Variants in GABRA6 observed in about 807,000 individuals in gnomAD.
The protein encoded by GABRA6 is gamma-aminobutyric acid receptor subunit alpha-6.
A neutral mutation model predicts 47.3 loss-of-function variants in GABRA6; 45 were observed. The observed-to-expected ratio is 0.95, with a 90% CI of 0.75 to 1.22. GABRA6 has a LOEUF of 1.22. Among genes scored for constraint, GABRA6 ranks in the 50% most tolerant of loss-of-function variants. The probability of loss-of-function intolerance (pLI) is 0.00; values close to 1 mark genes in which losing one functional copy is unlikely to be tolerated. For missense variants in GABRA6, 583 were observed against 549.3 expected (o/e 1.06, Z -0.61); for synonymous variants, 219 against 194.7 (o/e 1.12, Z -1.04).
At chr5:161,690,082 A>G (rs1754766109) in intron 6 of GABRA6, 119 bp from the exon 7 acceptor site, 16 of 940,676 alleles carry the variant, frequency 1.7e-5, no homozygotes, top group South Asian at 1.6e-4. Flanking sequence ...ACTGAAATGT[A>G]CCTTTGCTTG....
chr5:161,688,813 A>G, intron 3 of GABRA6, 136 bp from the exon 4 acceptor site: 1 of 742,074 alleles, frequency 1.3e-6, no homozygotes, highest in South Asian at 1.6e-5. Context: ...AGCTAAAATT[A>G]TAGCTTTGTG....
At chr5:161,700,121 G>A (rs1410169806) in intron 8 of GABRA6, among the ~76,000 whole-genome samples, 1 of 152,228 alleles carries the variant, frequency 6.6e-6, no homozygotes, top group Non-Finnish European at 1.5e-5. Flanking sequence ...TAGAAAAGAA[G>A]TTTTGGGAGT....
intron 8 of GABRA6, among the ~76,000 whole-genome samples, chr5:161,695,150 C>T (rs1754866222): frequency 6.6e-6 from 1 of 152,162 alleles, no homozygotes; most frequent in Non-Finnish European, 1.5e-5. Context: ...CATTGCTTTT[C>T]ACAAGAAACT....
chr5:161,689,880 C>G, intron 6 of GABRA6, 101 bp downstream of exon 6: 1 of 1,280,912 alleles, frequency 7.8e-7, no homozygotes, highest in Non-Finnish European at 1.1e-6. Context: ...CCATTCTCAG[C>G]TAAGCATGCT....
intron 8 of GABRA6, among the ~76,000 whole-genome samples, chr5:161,698,291 C>T (rs574643117): frequency 3.9e-4 from 60 of 152,102 alleles, no homozygotes; most frequent in African/African-American, 1.4e-3. Context: ...AGAATATCTA[C>T]AAGAGTCATA....
chr5:161,688,936 T>G lies in GABRA6; in HGVS notation c.226-13T>G. 1 of 1,604,422 alleles carries G rather than the reference T, an allele frequency of 6.2e-7. No individual in the cohort carries two copies. The highest frequency in any genetic ancestry group is 1.1e-5 in the South Asian group (1 of 90,880). ...ATCTTTCCAGCCCACACAAATATTT[T>G]ATTTTCTCTTAGGAGTATACGATGG... On this transcript the variant is annotated splice_polypyrimidine_tract_variant and intron_variant, in intron 3 of 8. Transcript: ENST00000274545.
Position 161,701,972 on chromosome 5 carries a change from G to GA in GABRA6, c.*204dup. The GA allele has an allele frequency of 1.7e-6, 1 of 599,274 alleles. No homozygotes were observed. Among genetic ancestry groups the GA allele is most frequent in the Non-Finnish European group, 2.9e-6 (1 of 343,280 alleles). 37.1% of individuals were successfully genotyped at this position (599,274 alleles called of 1,614,324 possible). A position where few individuals can be genotyped will look rare whatever the true frequency, so the allele number is the denominator to read the frequency against. ...TCAAAATAGAAAGTTGAAGATTGCT[G>GA]AAAAATATGACTTTTCTGTATGTTA... On this transcript the variant is annotated 3_prime_UTR_variant, in exon 9 of 9. Coordinates refer to ENST00000274545, the MANE Select transcript of GABRA6 (RefSeq NM_000811.3).
chr5:161,697,211 G>T (rs1029371267), intron 8 of GABRA6, among the ~76,000 whole-genome samples: 1 of 152,314 alleles, frequency 6.6e-6, no homozygotes, highest in Non-Finnish European at 1.5e-5. Flanking sequence ...AACAGTGACA[G>T]CCCCAAGCTG....
chr5:161,700,103 G>C (rs1430508553), intron 8 of GABRA6, among the ~76,000 whole-genome samples: 1 of 152,202 alleles, frequency 6.6e-6, no homozygotes, highest in Non-Finnish European at 1.5e-5. Flanking sequence ...AAAATCAAGA[G>C]GAGAATATAG....
In GABRA6 at chr5:161,685,776, T is replaced by C. The variant is rs1393920396; in HGVS notation, c.-214T>C. On this transcript the variant is annotated 5_prime_UTR_variant, in exon 1 of 9. Coordinates refer to ENST00000274545, the MANE Select transcript of GABRA6 (RefSeq NM_000811.3). ...TAATCTAAGACCACAAACCACCTTG[T>C]TCCACGTGAGAAGGAAACAAGAAAG... 34 of 615,334 alleles carry C rather than the reference T, an allele frequency of 5.5e-5. 1 individual carries two copies. The South Asian group carries it at 5.8e-4, about 10-fold the overall frequency. 38.1% of individuals were successfully genotyped at this position (615,334 alleles called of 1,614,324 possible).
intron 7 of GABRA6, among the ~76,000 whole-genome samples, chr5:161,690,752 T>C (rs1754775679): frequency 6.6e-6 from 1 of 152,194 alleles, no homozygotes; most frequent in African/African-American, 2.4e-5. Flanking sequence ...TATAAAATTG[T>C]CATTTCGTCA....
In GABRA6 at chr5:161,687,652, A is replaced by G. The variant is rs572496228; in HGVS notation, c.225+649A>G. The stretch of plus-strand genomic sequence containing the variant: ...TTCTCAGGTGGCATTTCTCTCTAAA[A>G]CGGAAGTGTAAATATGAATGCTGAA... On this transcript the variant is annotated intron_variant, in intron 3 of 8. Coordinates refer to ENST00000274545, the MANE Select transcript of GABRA6 (RefSeq NM_000811.3). 712 of 362,412 alleles carry G rather than the reference A, an allele frequency of 2.0e-3. 16 individuals carry two copies. Among genetic ancestry groups the G allele is most frequent in the South Asian group, 0.015 (699 of 47,078 alleles). 22.4% of individuals were successfully genotyped at this position (362,412 alleles called of 1,614,324 possible).
At chr5:161,692,289 G>A (rs1754808191) in intron 8 of GABRA6, 89 bp downstream of exon 8, 1 of 1,496,860 alleles carries the variant, frequency 6.7e-7, no homozygotes, top group Admixed American at 1.7e-5. Context: ...CAAAAGTAAT[G>A]TGAGTTGAGC....
chr5:161,701,868 C>A lies in GABRA6; in HGVS notation c.*95C>A. 7.7e-7 allele frequency: 1 copy of A among 1,303,272 alleles called. No individual in the cohort carries two copies. Among genetic ancestry groups the A allele is most frequent in the Non-Finnish European group, 1.1e-6 (1 of 908,948 alleles). 80.7% of individuals were successfully genotyped at this position (1,303,272 alleles called of 1,614,324 possible). ...CATTGAGACTTGTGTAGATGCTTCT[C>A]AGAACATGAAATCAAATTGGAAATC... On this transcript the variant is annotated 3_prime_UTR_variant, in exon 9 of 9. Coordinates refer to ENST00000274545, the MANE Select transcript of GABRA6 (RefSeq NM_000811.3).
At chr5:161,688,803 A>C in intron 3 of GABRA6, 146 bp from the exon 4 acceptor site, 2 of 710,136 alleles carry the variant, frequency 2.8e-6, no homozygotes, top group South Asian at 1.7e-5. Context: ...AATAATAACT[A>C]GCTAAAATTA....
chr5:161,690,853 G>C (rs1459566432), intron 7 of GABRA6, among the ~76,000 whole-genome samples: 1 of 152,030 alleles, frequency 6.6e-6, no homozygotes, highest in Non-Finnish European at 1.5e-5. Context: ...ATAAGAAAAA[G>C]AGCTTCAACT....
chr5:161,686,691 C>T (rs1390401831), intron 2 of GABRA6, among the ~76,000 whole-genome samples: 1 of 152,276 alleles, frequency 6.6e-6, no homozygotes, highest in Middle Eastern at 3.4e-3. Flanking sequence ...TTATCATTTT[C>T]GTTAGAACGA....
intron 2 of GABRA6, 48 bp from the exon 3 acceptor site, chr5:161,686,888 C>T: frequency 2.0e-6 from 3 of 1,521,330 alleles, no homozygotes; most frequent in Non-Finnish European, 2.7e-6. Context: ...GATCAATCCC[C>T]TTAACATCAG....
chr5:161,686,995 G>C lies in GABRA6; in HGVS notation c.217G>C (p.Val73Leu), dbSNP rs1339796711. The C allele has an allele frequency of 6.2e-7, 1 of 1,613,764 alleles. No individual in the cohort carries two copies. The highest frequency in any genetic ancestry group is 8.5e-7 in the Non-Finnish European group (1 of 1,179,784). ...GACCAGTTTTGGGCCCGTGTCAGAT[G>C]TGGAGATGGTGAGTAAGTTCTAAGT... ...YVTSFGPVSDVEMEYTMDVFF... is the reference protein window; with the variant it reads ...YVTSFGPVSDLEMEYTMDVFF... The change falls in exon 3 of 9, where the codon GTG becomes CTG. Residue 73 changes from valine to leucine, a missense_variant. By Grantham distance (32) the Val-to-Leu change is conservative. Coordinates refer to ENST00000274545, the MANE Select transcript of GABRA6 (RefSeq NM_000811.3).
Sources: gnomAD v4.1 joint callset for allele counts (sites outside exome capture counted in the v4.1 genomes callset) on GRCh38, gnomAD v4.1.1 for gene constraint, MANE v1.5 for transcripts, NCBI Gene and HGNC (gene_info 2026-07-23, HGNC 2026-07-21) for gene names.